Variants in GIGYF1 observed in about 807,000 individuals in gnomAD.
GIGYF1 encodes the protein GRB10 interacting GYF protein 1, also known as GRB10-interacting GYF protein 1.
Under a neutral mutation model 147.1 loss-of-function variants are expected in GIGYF1, and 84 were observed. The ratio of observed to expected loss-of-function variants is 0.57; its 90% confidence interval spans 0.48 to 0.68. The LOEUF is 0.68. Among genes scored for constraint, GIGYF1 ranks in the 30% least tolerant of loss-of-function variants. The pLI, the probability that GIGYF1 is intolerant of heterozygous loss-of-function variation, is 0.00. For missense variants in GIGYF1, 1,485 were observed against 1,393.7 expected (o/e 1.07, Z -1.04); for synonymous variants, 752 against 589.5 (o/e 1.28, Z -3.99).
At chr7:100,687,928 C>T in intron 5 of GIGYF1, 45 bp from the exon 6 acceptor site, 2 of 1,612,120 alleles carry the variant, frequency 1.2e-6, no homozygotes, top group Non-Finnish European at 1.7e-6. Flanking sequence ...GCTGCCAGAT[C>T]CCCTCCACAG....
intron 1 of GIGYF1, among the ~76,000 whole-genome samples, chr7:100,691,124 C>T (rs1393671384): frequency 6.6e-6 from 1 of 152,236 alleles, no homozygotes; most frequent in Non-Finnish European, 1.5e-5. Flanking sequence ...ACTAGTGGCA[C>T]ACCTGCAGGC....
chr7:100,684,000 G>T lies in GIGYF1; in HGVS notation c.1868+20C>A, dbSNP rs745840390. 1.3e-6 allele frequency: 2 copies of T among 1,598,090 alleles called. No individual in the cohort carries two copies. Among genetic ancestry groups the T allele is most frequent in the East Asian group, 2.2e-5 (1 of 44,562 alleles). On this transcript the variant is annotated intron_variant, in intron 18 of 26. Coordinates refer to ENST00000678049, the MANE Select transcript of GIGYF1 (RefSeq NM_001375765.1). ...TCCCCCCCCCACCCTGTATCCTGAG[G>T]GCTCGCACGCACCACGCACCTGGGG...
chr7:100,686,857 C>T lies in GIGYF1; in HGVS notation c.524-38G>A, dbSNP rs561381488. ...AAGACAGGGGCAGTTATTAGAAAGG[C>T]AGCGTGGTGCCTGGACCCTCAAGAA... On this transcript the variant is annotated intron_variant, in intron 9 of 26. Coordinates refer to ENST00000678049, the MANE Select transcript of GIGYF1 (RefSeq NM_001375765.1). The T allele has an allele frequency of 5.6e-6, 9 of 1,606,494 alleles. No homozygotes were observed. In the Admixed American group the frequency reaches 6.7e-5, roughly 12 times the overall value.
rs761444718 is a variant in GIGYF1 at position 100,684,622 on chromosome 7, CAGGGAGCG to C, written c.1463-14_1463-7del. On this transcript the variant is annotated splice_region_variant and splice_polypyrimidine_tract_variant and intron_variant, in intron 15 of 26. Coordinates refer to ENST00000678049, the MANE Select transcript of GIGYF1 (RefSeq NM_001375765.1). Reference sequence around the variant, plus strand: ...CTCCTGTGTCGTGAAGGGGCCTGGACAGGGAGCGAGGGAGCGGGAGAACCACTGGGGTC... The same window carrying C: ...CTCCTGTGTCGTGAAGGGGCCTGGACAGGGAGCGGGAGAACCACTGGGGTC... 8 of 1,614,116 alleles carry C rather than the reference CAGGGAGCG, an allele frequency of 5.0e-6. No individual in the cohort carries two copies. Among genetic ancestry groups the C allele is most frequent in the Non-Finnish European group, 5.9e-6 (7 of 1,180,022 alleles).
In GIGYF1 at chr7:100,686,352, C is replaced by G. The variant is rs762803793; in HGVS notation, c.776G>C (p.Gly259Ala). ...CCGCCCCTCCTCTTCACCACACCCT[C>G]CTCGATCCCCTCGCAAATCAAATTC... ...KFEFDLRGDRGGCGEEEGRGG... is the reference protein window; with the variant it reads ...KFEFDLRGDRAGCGEEEGRGG... The change falls in exon 11 of 27, where the codon GGA becomes GCA. Residue 259 changes from glycine (G) to alanine (A), a missense_variant. Coordinates refer to ENST00000678049, the MANE Select transcript of GIGYF1 (RefSeq NM_001375765.1). 2 of 1,612,958 alleles carry G rather than the reference C, an allele frequency of 1.2e-6. No homozygotes were observed. The highest frequency in any genetic ancestry group is 2.7e-5 in the African/African-American group (2 of 74,848).
In GIGYF1 at chr7:100,681,368, A is replaced by AG. The variant is rs989421245; in HGVS notation, c.*350_*351insC. 24 of 186,140 alleles carry AG rather than the reference A, an allele frequency of 1.3e-4. No homozygotes were observed. Among genetic ancestry groups the AG allele is most frequent in the Admixed American group, 5.5e-4 (9 of 16,310 alleles). The allele number at this position is 186,140 out of a possible 1,614,324, so 11.5% of individuals were successfully genotyped here. On this transcript the variant is annotated 3_prime_UTR_variant, in exon 27 of 27. Coordinates refer to ENST00000678049, the MANE Select transcript of GIGYF1 (RefSeq NM_001375765.1). ...TCATCTTTTTTTCTTAAAAAAAAAA[A>AG]AAAAACCAAAAAACAAAAACCTCTG...
At position 100,686,286 on chromosome 7, in the gene GIGYF1, G is replaced by C; in HGVS notation, c.842C>G (p.Pro281Arg). Residue 281 changes from proline to arginine, a missense_variant, in exon 11 of 27, where the codon CCT becomes CGT. Transcript: ENST00000678049. ...ATCCTTGTCCTCCTCAAAGCCTTCAGGCGCTCGGCACCGCCGCAGGTGAGA... is the reference window on the plus strand; with the variant it reads ...ATCCTTGTCCTCCTCAAAGCCTTCACGCGCTCGGCACCGCCGCAGGTGAGA... The part of the protein sequence containing the change: ...GSSHLRRCRA[P>R]EGFEEDKDGL... 1 of 1,613,982 alleles carries C rather than the reference G, an allele frequency of 6.2e-7. No homozygotes were observed. Among genetic ancestry groups the C allele is most frequent in the Non-Finnish European group, 8.5e-7 (1 of 1,179,964 alleles).
intron 9 of GIGYF1, 30 bp from the exon 10 acceptor site, chr7:100,686,849 T>G (rs748870664): frequency 1.2e-6 from 2 of 1,610,826 alleles, no homozygotes; most frequent in Non-Finnish European, 1.7e-6. Context: ...GGGCAGTTAT[T>G]AGAAAGGCAG....
At chr7:100,681,799 G>C in intron 26 of GIGYF1, 28 bp from the exon 27 acceptor site, 2 of 1,594,300 alleles carry the variant, frequency 1.3e-6, no homozygotes, top group Non-Finnish European at 1.7e-6. Flanking sequence ...CTGCGTCTGA[G>C]CTCTCTCCTG....
In GIGYF1 at chr7:100,684,557, G is replaced by A. The variant is rs759282484; in HGVS notation, c.1522C>T (p.Leu508=). ...WFQAGYFSMS[L]LVKRGCDEGF... ...TCATCGCAGCCCCGCTTCACCAGCA[G>A]TGACATGGAAAAGTAGCCGGCCTGG... The change falls in exon 16 of 27, where the codon CTG becomes TTG. Residue 508 remains leucine (L), a synonymous_variant. Transcript: ENST00000678049. 6.2e-6 allele frequency: 10 copies of A among 1,614,050 alleles called. No homozygotes were observed. The highest frequency in any genetic ancestry group is 1.7e-5 in the Admixed American group (1 of 60,006).
In GIGYF1 at chr7:100,685,125, A is replaced by G. The variant is rs1805192938; in HGVS notation, c.1214T>C (p.Leu405Pro). 6.3e-7 allele frequency: 1 copy of G among 1,583,598 alleles called. No individual in the cohort carries two copies. Among genetic ancestry groups the G allele is most frequent in the African/African-American group, 1.3e-5 (1 of 74,454 alleles). Residue 405 changes from leucine to proline, a missense_variant, in exon 14 of 27, where the codon CTG (leucine) becomes CCG (proline). Leu to Pro is a moderately conservative substitution (Grantham distance 98, BLOSUM62 -3). Coordinates refer to ENST00000678049, the MANE Select transcript of GIGYF1 (RefSeq NM_001375765.1). The part of the protein sequence containing the change: ...AAEDDIRGIQ[L>P]SPGVGSSAGP... ...AGCAGAGGAGCCCACCCCGGGACTC[A>G]GCTGGATCCCCCGAATATCATCTGG...
chr7:100,693,394 G>A (rs1047320331), intron 1 of GIGYF1, among the ~76,000 whole-genome samples: 18 of 152,180 alleles, frequency 1.2e-4, no homozygotes, highest in African/African-American at 4.3e-4. Context: ...GGGACGGGGA[G>A]GACAAGCAGT....
Position 100,684,754 on chromosome 7 carries a change from C to G in GIGYF1, c.1431G>C (p.Trp477Cys). 1 of 1,612,174 alleles carries G rather than the reference C, an allele frequency of 6.2e-7. No individual in the cohort carries two copies. Among genetic ancestry groups the G allele is most frequent in the Non-Finnish European group, 8.5e-7 (1 of 1,179,240 alleles). Residue 477 changes from tryptophan to cysteine, a missense_variant, in exon 15 of 27, where the codon TGG becomes TGC. By Grantham distance (215) the Trp-to-Cys change is radical (BLOSUM62 -2). Coordinates refer to ENST00000678049, the MANE Select transcript of GIGYF1 (RefSeq NM_001375765.1). ...TCTCGCCCTGTGGGTCCTTGTAGAA[C>G]CACTTCCGGGCAGCCCCATGGCTGA... ...LPLSHGAARK[W>C]FYKDPQGEIQ...
At chr7:100,682,977 G>A (rs1001433829) in intron 22 of GIGYF1, 35 bp downstream of exon 22, 2 of 1,446,184 alleles carry the variant, frequency 1.4e-6, no homozygotes, top group South Asian at 1.3e-5. Context: ...CCTGGAAACT[G>A]TAGGGGGAGC....
rs1804754025 is a variant in GIGYF1 at position 100,681,513 on chromosome 7, AAAT to A, written c.*203_*205del. ...TTCAGTCGTTTAAAATTAAAAAAAA[AAAT>A]AAAAAGAAAAACCCCCTCCCCCAGT... On this transcript the variant is annotated 3_prime_UTR_variant, in exon 27 of 27. Transcript: ENST00000678049. 2 of 423,760 alleles carry A rather than the reference AAAT, an allele frequency of 4.7e-6. No homozygotes were observed. Among genetic ancestry groups the A allele is most frequent in the East Asian group, 3.5e-5 (1 of 28,938 alleles). The allele number at this position is 423,760 out of a possible 1,614,324, so 26.2% of individuals were successfully genotyped here.
chr7:100,682,506 G>GT, intron 23 of GIGYF1, 24 bp from the exon 24 acceptor site: 1 of 1,607,914 alleles, frequency 6.2e-7, no homozygotes, highest in Non-Finnish European at 8.5e-7. Context: ...GTGAGTCAGG[G>GT]TTGGAAATCA....
chr7:100,683,856 C>A lies in GIGYF1; in HGVS notation c.1931G>T (p.Arg644Leu). Reference sequence around the variant, plus strand: ...GGCTGAGGTATGTACGTCCCAGAGGCGGCCCGAATCTGGCACCGACAAGGA... The same window carrying A: ...GGCTGAGGTATGTACGTCCCAGAGGAGGCCCGAATCTGGCACCGACAAGGA... Reference protein sequence around the residue: ...SRSLSVPDSGRLWDVHTSASS... With the variant: ...SRSLSVPDSGLLWDVHTSASS... Residue 644 changes from arginine (R) to leucine (L), a missense_variant, in exon 19 of 27, where the codon CGC (arginine) becomes CTC (leucine). Arg to Leu is a moderately radical substitution (Grantham distance 102). Transcript: ENST00000678049. 6.4e-7 allele frequency: 1 copy of A among 1,564,762 alleles called. No homozygotes were observed. Among genetic ancestry groups the A allele is most frequent in the South Asian group, 1.2e-5 (1 of 86,158 alleles).
In GIGYF1 at chr7:100,681,567, G is replaced by A; in HGVS notation, c.*152C>T. The A allele has an allele frequency of 5.5e-6, 3 of 545,512 alleles. 1 individual carries two copies. The allele number at this position is 545,512 out of a possible 1,614,324, so 33.8% of individuals were successfully genotyped here. ...CTGTAAAGTGCCTCGTGGTGGGTGA[G>A]TTAAGGTGCATCGTGTGTTTGTAAC... is the stretch of plus-strand genomic sequence containing the variant. On this transcript the variant is annotated 3_prime_UTR_variant, in exon 27 of 27. Coordinates refer to ENST00000678049, the MANE Select transcript of GIGYF1 (RefSeq NM_001375765.1).
In GIGYF1 at chr7:100,682,796, C is replaced by A. The variant is rs758991527; in HGVS notation, c.2413-19G>T. 6.6e-7 allele frequency: 1 copy of A among 1,515,154 alleles called. No homozygotes were observed. Among genetic ancestry groups the A allele is most frequent in the South Asian group, 1.3e-5 (1 of 75,278 alleles). The allele number at this position is 1,515,154 out of a possible 1,614,324, so 93.9% of individuals were successfully genotyped here. A position where few individuals can be genotyped will look rare whatever the true frequency, so the allele number is the denominator to read the frequency against. ...CAAGCTGCTACAGATGGCAGAAGAT[C>A]AGAGTGGCTCAAACAAAGGCACCCC... On this transcript the variant is annotated intron_variant, in intron 22 of 26. Coordinates refer to ENST00000678049, the MANE Select transcript of GIGYF1 (RefSeq NM_001375765.1).
Sources: gnomAD v4.1 joint callset for allele counts (sites outside exome capture counted in the v4.1 genomes callset) on GRCh38, gnomAD v4.1.1 for gene constraint, MANE v1.5 for transcripts, NCBI Gene and HGNC (gene_info 2026-07-23, HGNC 2026-07-21) for gene names.